HECTD2: variants seen among roughly 807,000 people sequenced by gnomAD.
The protein encoded by HECTD2 is HECT domain E3 ubiquitin protein ligase 2, also known as probable E3 ubiquitin-protein ligase HECTD2.
HECTD2 carries 35 observed loss-of-function variants against 103.2 expected under a neutral mutation model. That is an observed-to-expected ratio of 0.34 (90% confidence interval 0.26 to 0.45). The LOEUF is 0.45. Ranked by LOEUF, HECTD2 falls within the 20% of genes least tolerant of loss-of-function variation. The probability of loss-of-function intolerance (pLI) is 1.00; values close to 1 mark genes in which losing one functional copy is unlikely to be tolerated. For missense variants in HECTD2, 596 were observed against 937.4 expected, an observed-to-expected ratio of 0.64 and a Z score of 4.76; for synonymous variants, 281 against 329.9, an observed-to-expected ratio of 0.85 and a Z score of 1.61.
intron 2 of HECTD2, among the ~76,000 whole-genome samples, chr10:91,460,156 A>T (rs1331562272): frequency 3.3e-5 from 5 of 152,110 alleles, no homozygotes; most frequent in African/African-American, 1.2e-4. Flanking sequence ...ACATTAACAA[A>T]CAATTTTGAG....
intron 2 of HECTD2, among the ~76,000 whole-genome samples, chr10:91,428,714 TG>T (rs1843693167): frequency 6.6e-6 from 1 of 151,980 alleles, no homozygotes; most frequent in Non-Finnish European, 1.5e-5. Context: ...TTGTGATTTT[TG>T]TACATTGATT....
At chr10:91,504,866 G>A (rs1433780700) in intron 20 of HECTD2, among the ~76,000 whole-genome samples, 3 of 152,206 alleles carry the variant, frequency 2.0e-5, no homozygotes, top group African/African-American at 7.2e-5. Flanking sequence ...AATGTTAAGG[G>A]CAGCCAGAGA....
chr10:91,504,643 A>G (rs1445895036), intron 20 of HECTD2, among the ~76,000 whole-genome samples: 2 of 152,010 alleles, frequency 1.3e-5, no homozygotes, highest in Non-Finnish European at 2.9e-5. Flanking sequence ...GACCAAATCT[A>G]CGTCTGATTG....
At chr10:91,428,616 A>G (rs1346822978) in intron 2 of HECTD2, among the ~76,000 whole-genome samples, 5 of 151,368 alleles carry the variant, frequency 3.3e-5, no homozygotes, top group African/African-American at 4.9e-5. Context: ...TGGATTCCTA[A>G]GTATTTTATT....
Position 91,481,140 on chromosome 10 carries a change from G to A in HECTD2, c.711+1G>A. On this transcript the variant is annotated splice_donor_variant, in intron 7 of 20. Transcript: ENST00000298068. LOFTEE classifies it high-confidence loss of function. ...TAGAGCATATTTTATACTTTTACAGGTAAGAGAACCAGAACCTAGTTGAAG... is the reference window on the plus strand; with the variant it reads ...TAGAGCATATTTTATACTTTTACAGATAAGAGAACCAGAACCTAGTTGAAG... 6.6e-7 allele frequency: 1 copy of A among 1,515,118 alleles called. No homozygotes were observed. The highest frequency in any genetic ancestry group is 9.0e-7 in the Non-Finnish European group (1 of 1,109,692). The allele number at this position is 1,515,118 out of a possible 1,614,324, so 93.9% of individuals were successfully genotyped here.
intron 1 of HECTD2, among the ~76,000 whole-genome samples, chr10:91,412,668 A>ATG (rs58691011): frequency 0.029 from 4,288 of 146,722 alleles, 95 homozygotes; most frequent in African/African-American, 0.063. Context: ...CTGTGGCAGA[A>ATG]TGTGTGTGTG....
intron 2 of HECTD2, among the ~76,000 whole-genome samples, chr10:91,434,643 C>G (rs1186910571): frequency 6.6e-6 from 1 of 151,642 alleles, no homozygotes; most frequent in Non-Finnish European, 1.5e-5. Context: ...TTTGGGACAT[C>G]TTATAGTTTA....
At chr10:91,507,907 C>G (rs1847258109) in intron 20 of HECTD2, among the ~76,000 whole-genome samples, 1 of 136,510 alleles carries the variant, frequency 7.3e-6, no homozygotes, top group Non-Finnish European at 1.5e-5. Context: ...CAGCATGGTA[C>G]TGGTACCAAA....
At position 91,470,579 on chromosome 10, in the gene HECTD2, C is replaced by G. The variant is rs75742049; in HGVS notation, c.601-7622C>G. 6.0e-3 allele frequency among the ~76,000 whole-genome samples: 905 copies of G among 152,086 alleles called. 4 individuals are homozygous for G. Among genetic ancestry groups the G allele is most frequent in the African/African-American group, 0.021 (870 of 41,490 alleles). Reference sequence around the variant, plus strand: ...AAGGAAATTTTATAAATCTAAATGCCTACATCAAAAATGTTAGATCTCAAG... The same window carrying G: ...AAGGAAATTTTATAAATCTAAATGCGTACATCAAAAATGTTAGATCTCAAG... On this transcript the variant is annotated intron_variant, in intron 5 of 20. Transcript: ENST00000298068.
At chr10:91,498,716 G>A (rs191928365) in intron 16 of HECTD2, among the ~76,000 whole-genome samples, 156 bp from the exon 17 acceptor site, 6 of 152,094 alleles carry the variant, frequency 3.9e-5, no homozygotes, top group Admixed American at 6.5e-5. Flanking sequence ...ATGATCCCTC[G>A]TTCTTAATAC....
At chr10:91,503,478 T>C (rs1247264414) in intron 20 of HECTD2, among the ~76,000 whole-genome samples, 1 of 151,898 alleles carries the variant, frequency 6.6e-6, no homozygotes, top group Non-Finnish European at 1.5e-5. Flanking sequence ...GCGCAAGGGG[T>C]CAGGGAGTTC....
chr10:91,487,356 C>A lies in HECTD2; in HGVS notation c.1095-326C>A. 1 of 288,050 alleles carries A rather than the reference C, an allele frequency of 3.5e-6. No homozygotes were observed. Among genetic ancestry groups the A allele is most frequent in the African/African-American group, 2.2e-5 (1 of 46,426 alleles). 17.8% of individuals were successfully genotyped at this position (288,050 alleles called of 1,614,324 possible). A position where few individuals can be genotyped will look rare whatever the true frequency, so the allele number is the denominator to read the frequency against. On this transcript the variant is annotated intron_variant, in intron 10 of 20. Transcript: ENST00000298068. The surrounding 1 kb of genome is among the most constrained non-coding windows in gnomAD (Gnocchi z 4.1). ...TACTACTTAACCAACACTTCTCCCTCCTGGTTCTGGTATTGGCCATGTTGT... is the reference window on the plus strand; with the variant it reads ...TACTACTTAACCAACACTTCTCCCTACTGGTTCTGGTATTGGCCATGTTGT...
At chr10:91,458,392 A>G (rs568389286) in intron 2 of HECTD2, among the ~76,000 whole-genome samples, 5 of 152,114 alleles carry the variant, frequency 3.3e-5, no homozygotes, top group Admixed American at 3.3e-4. Flanking sequence ...TTTCCTGTCA[A>G]AATTCCTGTA....
chr10:91,467,740 C>A (rs1313757527), intron 5 of HECTD2, among the ~76,000 whole-genome samples: 1 of 152,076 alleles, frequency 6.6e-6, no homozygotes, highest in African/African-American at 2.4e-5. Context: ...GAGTGGACCT[C>A]ATTTCTCCCC....
At chr10:91,478,492 C>A (rs1327684681) in intron 6 of HECTD2, among the ~76,000 whole-genome samples, 1 of 152,096 alleles carries the variant, frequency 6.6e-6, no homozygotes, top group Non-Finnish European at 1.5e-5. Context: ...TCTGTGAATT[C>A]TTTTAAATTG....
intron 10 of HECTD2, chr10:91,486,929 G>A (rs539547936): frequency 2.0e-5 from 3 of 152,112 alleles, no homozygotes; most frequent in African/African-American, 7.2e-5. Context: ...TGCTCAGAGG[G>A]ATTCCAGCTG....
Position 91,410,383 on chromosome 10 carries a change from C to G in HECTD2, c.-56C>G. 8.3e-7 allele frequency: 1 copy of G among 1,203,656 alleles called. No homozygotes were observed. Among genetic ancestry groups the G allele is most frequent in the Non-Finnish European group, 1.1e-6 (1 of 945,726 alleles). 74.6% of individuals were successfully genotyped at this position (1,203,656 alleles called of 1,614,324 possible). ...GCCGCGGCGGCAGCAGCAGCGCCAG[C>G]CCCAGCAACACTGAGGCCGCCGCCG... On this transcript the variant is annotated 5_prime_UTR_variant, in exon 1 of 21. Coordinates refer to ENST00000298068, the MANE Select transcript of HECTD2 (RefSeq NM_182765.6).
At chr10:91,447,711 AAAAAAAAAG>A (rs1844635063) in intron 2 of HECTD2, among the ~76,000 whole-genome samples, 1 of 72,760 alleles carries the variant, frequency 1.4e-5, no homozygotes, top group African/African-American at 7.9e-5. Flanking sequence ...AAAAAAAAAG[AAAAAAAAAG>A]AAAAAAAAAA....
chr10:91,472,836 AT>A (rs1261699535), intron 5 of HECTD2, among the ~76,000 whole-genome samples: 1 of 152,212 alleles, frequency 6.6e-6, no homozygotes, highest in Non-Finnish European at 1.5e-5. Context: ...TACCAAATAA[AT>A]TTTTAGAAGT....
Sources: gnomAD v4.1 joint callset for allele counts (sites outside exome capture counted in the v4.1 genomes callset) on GRCh38, gnomAD v4.1.1 for gene constraint, Gnocchi (gnomAD v3.1) non-coding constraint, MANE v1.5 for transcripts, NCBI Gene and HGNC (gene_info 2026-07-23, HGNC 2026-07-21) for gene names.